Variants in AQP7B observed in about 807,000 individuals in gnomAD.
AQP7B encodes the protein aquaporin 7B.
At chr2:94,599,166 G>C in the AQP7B span, among the ~76,000 whole-genome samples, 1 of 152,126 alleles carries the variant, frequency 6.6e-6, no homozygotes, top group Non-Finnish European at 1.5e-5. Context: ...GGGCCCCTCT[G>C]TTTTCAGACC....
At chr2:94,603,147 G>A in the AQP7B span, 1 of 1,533,578 alleles carries the variant, frequency 6.5e-7, no homozygotes, top group Non-Finnish European at 8.9e-7. Flanking sequence ...CTTCCTGGCA[G>A]CTGCCACCAT....
chr2:94,602,459 G>C, the AQP7B span: 1 of 1,587,700 alleles, frequency 6.3e-7, no homozygotes, highest in Admixed American at 1.7e-5. Context: ...GGGCTTCTGG[G>C]CAGGCAGCCC....
At chr2:94,599,027 C>T in the AQP7B span, among the ~76,000 whole-genome samples, 1 of 152,124 alleles carries the variant, frequency 6.6e-6, no homozygotes, top group African/African-American at 2.4e-5. Context: ...AGGTCTCGAA[C>T]TCCTGACCTC....
At chr2:94,588,711 C>T in the AQP7B span, among the ~76,000 whole-genome samples, 1 of 151,770 alleles carries the variant, frequency 6.6e-6, no homozygotes, top group Admixed American at 6.6e-5. Flanking sequence ...AGAAGAAAAG[C>T]ATCTTCCACC....
the AQP7B span, among the ~76,000 whole-genome samples, chr2:94,589,465 C>T: frequency 2.6e-5 from 4 of 152,006 alleles, no homozygotes; most frequent in East Asian, 7.8e-4. Flanking sequence ...CTCTGACTGC[C>T]CTATTTGAAA....
the AQP7B span, chr2:94,594,776 C>G: frequency 6.3e-7 from 1 of 1,579,404 alleles, no homozygotes; most frequent in Admixed American, 1.7e-5. Context: ...GTCTCCTGGT[C>G]CGTGATAGCA....
the AQP7B span, chr2:94,603,459 C>T: frequency 2.5e-6 from 4 of 1,611,954 alleles, no homozygotes; most frequent in Admixed American, 5.0e-5. Flanking sequence ...TTGCCACCTA[C>T]CTTCCTGATC....
At chr2:94,592,272 C>A in the AQP7B span, among the ~76,000 whole-genome samples, 3 of 152,172 alleles carry the variant, frequency 2.0e-5, no homozygotes, top group East Asian at 3.9e-4. Context: ...ATTCCCCTGA[C>A]CTCGCAGCAG....
the AQP7B span, among the ~76,000 whole-genome samples, chr2:94,599,383 C>T: frequency 6.6e-6 from 1 of 152,166 alleles, no homozygotes; most frequent in Non-Finnish European, 1.5e-5. Context: ...TGCCTCTCCC[C>T]CACCATATCT....
At chr2:94,604,325 C>T in the AQP7B span, 3 of 1,609,918 alleles carry the variant, frequency 1.9e-6, no homozygotes, top group Non-Finnish European at 2.5e-6. Context: ...AGTGGTGGCA[C>T]CACTTCTGGG....
chr2:94,602,536 A>G, the AQP7B span: 2 of 1,604,342 alleles, frequency 1.2e-6, no homozygotes, highest in African/African-American at 1.3e-5. Context: ...TAAATAAAAC[A>G]TATGGGAGCT....
the AQP7B span, among the ~76,000 whole-genome samples, chr2:94,598,042 C>T: frequency 6.6e-6 from 1 of 152,206 alleles, no homozygotes; most frequent in Non-Finnish European, 1.5e-5. Context: ...TTGCCTCTCT[C>T]AGCCTCAGTT....
the AQP7B span, among the ~76,000 whole-genome samples, chr2:94,600,256 G>GT: frequency 6.6e-6 from 1 of 151,878 alleles, no homozygotes. Flanking sequence ...AATTCTTCAG[G>GT]TTTTTTCCTT....
the AQP7B span, among the ~76,000 whole-genome samples, chr2:94,593,480 C>CTTTTTTT: frequency 8.8e-6 from 1 of 113,946 alleles, no homozygotes. Flanking sequence ...TCCTCTTCCT[C>CTTTTTTT]TTTTTTTTTT....
At chr2:94,591,971 A>G in the AQP7B span, among the ~76,000 whole-genome samples, 2 of 152,206 alleles carry the variant, frequency 1.3e-5, no homozygotes, top group African/African-American at 4.8e-5. Flanking sequence ...GGATTGTACC[A>G]GTGTCCTTTA....
the AQP7B span, among the ~76,000 whole-genome samples, chr2:94,595,625 C>T: frequency 6.6e-6 from 1 of 151,808 alleles, no homozygotes; most frequent in African/African-American, 2.4e-5. Flanking sequence ...GCAAGGCTGG[C>T]AAGAGGGAAC....
chr2:94,602,982 G>T, the AQP7B span: 2 of 1,531,616 alleles, frequency 1.3e-6, no homozygotes, highest in Non-Finnish European at 1.8e-6. Flanking sequence ...CATACTGTTT[G>T]TCACTGTTGT....
At chr2:94,599,878 T>A in the AQP7B span, among the ~76,000 whole-genome samples, 1 of 148,682 alleles carries the variant, frequency 6.7e-6, no homozygotes, top group Non-Finnish European at 1.5e-5. Context: ...TTTTTTTTTC[T>A]TTTTTTTTTC....
chr2:94,598,837 G>A, the AQP7B span, among the ~76,000 whole-genome samples: 2 of 152,132 alleles, frequency 1.3e-5, no homozygotes, highest in Non-Finnish European at 1.5e-5. Context: ...GACAGAGTCT[G>A]ACCCTGTTGC....
Sources: gnomAD v4.1 joint callset for allele counts (sites outside exome capture counted in the v4.1 genomes callset) on GRCh38, gnomAD v4.1.1 for gene constraint, MANE v1.5 for transcripts, NCBI Gene and HGNC (gene_info 2026-07-23, HGNC 2026-07-21) for gene names.